Variants in MAGI1 observed in about 807,000 individuals in gnomAD.
MAGI1 encodes membrane-associated guanylate kinase, WW and PDZ domain-containing protein 1.
Under a neutral mutation model 139.9 loss-of-function variants are expected in MAGI1, and 58 were observed. The observed-to-expected ratio is 0.41, with a 90% CI of 0.34 to 0.52. The LOEUF (loss-of-function observed/expected upper bound fraction) is 0.52, where lower values mean the gene tolerates loss of function less well. Among genes scored for constraint, MAGI1 ranks in the 20% least tolerant of loss-of-function variants. The pLI is 0.12. For synonymous variants in MAGI1, 812 were observed against 737.9 expected, an observed-to-expected ratio of 1.10 and a Z score of -1.63; for missense variants, 1,874 against 1,901.6, an observed-to-expected ratio of 0.99 and a Z score of 0.27.
intron 14 of MAGI1, chr3:65,387,227 C>T: frequency 6.2e-7 from 1 of 1,612,586 alleles, no homozygotes; most frequent in Non-Finnish European, 8.5e-7. Context: ...GGTGACATAG[C>T]TGGAATATTA....
chr3:65,384,178 A>G (rs183367362), intron 14 of MAGI1, among the ~76,000 whole-genome samples: 43 of 152,322 alleles, frequency 2.8e-4, no homozygotes, highest in Admixed American at 2.0e-3. Flanking sequence ...AGCAATGCTA[A>G]TAGGCTTTGT....
intron 1 of MAGI1, chr3:65,844,101 T>C (rs1408544790): frequency 2.0e-6 from 1 of 510,572 alleles, no homozygotes; most frequent in African/African-American, 1.9e-5. Context: ...GGTAGGTGTG[T>C]CTGGGCCAAA....
At chr3:65,560,269 G>A (rs1385522122) in intron 2 of MAGI1, among the ~76,000 whole-genome samples, 1 of 152,102 alleles carries the variant, frequency 6.6e-6, no homozygotes, top group African/African-American at 2.4e-5. Flanking sequence ...TGAATTAAAA[G>A]CGTCCATTAT....
At chr3:65,797,654 T>G (rs1201432384) in intron 1 of MAGI1, among the ~76,000 whole-genome samples, 1 of 152,050 alleles carries the variant, frequency 6.6e-6, no homozygotes, top group Non-Finnish European at 1.5e-5. Context: ...AGTTCGAAGC[T>G]GCAGTAGGCC....
At chr3:65,722,100 GTAGA>G (rs2033100030) in intron 1 of MAGI1, among the ~76,000 whole-genome samples, 1 of 152,106 alleles carries the variant, frequency 6.6e-6, no homozygotes, top group Non-Finnish European at 1.5e-5. Context: ...TGCTCTCACA[GTAGA>G]GCAAGTTCCA....
At chr3:65,837,113 CA>C (rs975245207) in intron 1 of MAGI1, among the ~76,000 whole-genome samples, 188 of 151,122 alleles carry the variant, frequency 1.2e-3, no homozygotes, top group African/African-American at 4.4e-3. Flanking sequence ...TTCTTCAATG[CA>C]AAAAAAATAA....
chr3:65,681,621 C>T (rs549903713), intron 1 of MAGI1, among the ~76,000 whole-genome samples: 7 of 152,328 alleles, frequency 4.6e-5, no homozygotes, highest in Admixed American at 4.6e-4. Context: ...CTAGCAGACC[C>T]TCTGCACTTC....
intron 1 of MAGI1, among the ~76,000 whole-genome samples, chr3:65,997,958 A>C (rs2066542655): frequency 6.6e-6 from 1 of 151,846 alleles, no homozygotes; most frequent in Admixed American, 6.6e-5. Context: ...CAGGAGTTCA[A>C]GACCAGCCTG....
At chr3:65,551,107 G>A (rs945615246) in intron 2 of MAGI1, among the ~76,000 whole-genome samples, 4 of 152,164 alleles carry the variant, frequency 2.6e-5, no homozygotes, top group African/African-American at 7.2e-5. Flanking sequence ...TCATGGGGGC[G>A]ATTTCTGCCA....
intron 22 of MAGI1, among the ~76,000 whole-genome samples, chr3:65,358,509 A>G (rs1940447211): frequency 6.6e-6 from 1 of 152,180 alleles, no homozygotes; most frequent in African/African-American, 2.4e-5. Flanking sequence ...ACTTTCTCTA[A>G]AGGGCAATAG....
chr3:66,025,673 T>C (rs1194646050), intron 1 of MAGI1, among the ~76,000 whole-genome samples: 1 of 152,122 alleles, frequency 6.6e-6, no homozygotes, highest in Non-Finnish European at 1.5e-5. Flanking sequence ...TCTTCAAAAG[T>C]ATATGTTTGT....
chr3:65,359,014 G>C lies in MAGI1; in HGVS notation c.3635-1882C>G, dbSNP rs1247147757. 5 of 1,513,704 alleles carry C rather than the reference G, an allele frequency of 3.3e-6. No individual in the cohort carries two copies. In the South Asian group the frequency reaches 5.6e-5, roughly 17 times the overall value. 93.8% of individuals were successfully genotyped at this position (1,513,704 alleles called of 1,614,324 possible). A position where few individuals can be genotyped will look rare whatever the true frequency, so the allele number is the denominator to read the frequency against. On this transcript the variant is annotated intron_variant, in intron 22 of 22. Transcript: ENST00000402939. ...AAACAGAGCTAAGCAGAAGCAATGA[G>C]GAAATTAGGCCACAGCACAGAAACA...
At chr3:65,829,776 T>C (rs2042429032) in intron 1 of MAGI1, among the ~76,000 whole-genome samples, 1 of 152,202 alleles carries the variant, frequency 6.6e-6, no homozygotes, top group Non-Finnish European at 1.5e-5. Context: ...CTCTCAAAGA[T>C]ATTAAATCAT....
At chr3:65,849,367 G>T (rs745612385) in intron 1 of MAGI1, among the ~76,000 whole-genome samples, 17 of 151,220 alleles carry the variant, frequency 1.1e-4, no homozygotes, top group Non-Finnish European at 2.2e-4. Context: ...AGCAATGTTG[G>T]GTAGCCTCTT....
chr3:65,621,917 TCACACACA>T (rs56026417), intron 2 of MAGI1, 47 bp downstream of exon 2: 15 of 986,668 alleles, frequency 1.5e-5, no homozygotes, highest in Non-Finnish European at 1.7e-5. Flanking sequence ...CCTGGACTTT[TCACACACA>T]CACACACACA....
intron 1 of MAGI1, among the ~76,000 whole-genome samples, chr3:65,866,997 G>A (rs1172975969): frequency 6.6e-6 from 1 of 152,184 alleles, no homozygotes; most frequent in Non-Finnish European, 1.5e-5. Flanking sequence ...TTAAAGAGAA[G>A]CTGAAGACCT....
chr3:65,814,048 T>G (rs1266618361), intron 1 of MAGI1, among the ~76,000 whole-genome samples: 1 of 151,998 alleles, frequency 6.6e-6, no homozygotes, highest in East Asian at 1.9e-4. Flanking sequence ...TAAGGACTAT[T>G]ATGCAGCCAT....
intron 5 of MAGI1, among the ~76,000 whole-genome samples, chr3:65,463,409 G>T (rs1949947933): frequency 6.6e-6 from 1 of 152,184 alleles, no homozygotes; most frequent in African/African-American, 2.4e-5. Context: ...TATGTTTATT[G>T]ATTTGCATAT....
chr3:65,548,508 A>AC (rs2079614399), intron 2 of MAGI1, among the ~76,000 whole-genome samples: 1 of 80,016 alleles, frequency 1.2e-5, no homozygotes, highest in Non-Finnish European at 2.3e-5. Flanking sequence ...TGCAAACAAC[A>AC]CTCTTTTTTT....
Sources: allele counts gnomAD v4.1 joint callset (sites outside exome capture counted in the v4.1 genomes callset), GRCh38; gene constraint gnomAD v4.1.1; transcripts MANE v1.5; gene names NCBI Gene and HGNC (gene_info 2026-07-23, HGNC 2026-07-21).